The following PCDH15 variants were observed in gnomAD, a reference collection of about 807,000 sequenced individuals.
The protein encoded by PCDH15 is protocadherin-15.
A neutral mutation model predicts 178.5 loss-of-function variants in PCDH15; 129 were observed. The observed-to-expected ratio is 0.72, with a 90% CI of 0.63 to 0.84. The LOEUF (loss-of-function observed/expected upper bound fraction) is 0.84. Ranked by LOEUF, PCDH15 falls within the 40% of genes least tolerant of loss-of-function variation. The pLI is 0.00. For missense variants in PCDH15, 2,230 were observed against 2,099.9 expected, an observed-to-expected ratio of 1.06 and a Z score of -1.21; for synonymous variants, 800 against 732.0, an observed-to-expected ratio of 1.09 and a Z score of -1.50.
In PCDH15 at chr10:54,423,595, A is replaced by C. The variant is rs557908189; in HGVS notation, c.158-44653T>G. On this transcript the variant is annotated intron_variant, in intron 3 of 37. Coordinates refer to ENST00000644397, the MANE Select transcript of PCDH15 (RefSeq NM_001384140.1). ...CTTGTTGAAACCCTAATCCGAAGCC[A>C]AAAAAAGTGCTCAATAAGGTCATAC... 6.6e-5 allele frequency among the ~76,000 whole-genome samples: 10 copies of C among 151,930 alleles called. No homozygotes were observed. In the South Asian group the frequency reaches 1.9e-3, roughly 28 times the overall value.
chr10:54,264,914 C>T (rs985769387), intron 8 of PCDH15, among the ~76,000 whole-genome samples: 2 of 152,022 alleles, frequency 1.3e-5, no homozygotes, highest in African/African-American at 2.4e-5. Context: ...CAGAGAACCC[C>T]TTTTATATAC....
chr10:54,815,444 T>TATGTTCTA (rs1223871439), intron 3 of PCDH15, among the ~76,000 whole-genome samples: 1 of 152,154 alleles, frequency 6.6e-6, no homozygotes, highest in African/African-American at 2.4e-5. Context: ...TGTTCTACAG[T>TATGTTCTA]CATAATTTCA....
chr10:54,196,966 G>C (rs552735619), intron 10 of PCDH15, among the ~76,000 whole-genome samples: 2 of 152,188 alleles, frequency 1.3e-5, no homozygotes, highest in African/African-American at 4.8e-5. Context: ...TCCAGTTTAT[G>C]GTGTTTTGTT....
intron 2 of PCDH15, among the ~76,000 whole-genome samples, chr10:55,496,548 T>C (rs949251227): frequency 2.0e-5 from 3 of 151,836 alleles, no homozygotes; most frequent in African/African-American, 7.2e-5. Flanking sequence ...GAACCACGTT[T>C]TTAATGGCCA....
chr10:55,445,275 T>C (rs1452295609), intron 2 of PCDH15, among the ~76,000 whole-genome samples: 1 of 152,092 alleles, frequency 6.6e-6, no homozygotes, highest in Non-Finnish European at 1.5e-5. Context: ...TTTCCTGCTT[T>C]TTTTTTCTGC....
At chr10:54,179,335 C>T (rs11004123) in intron 13 of PCDH15, among the ~76,000 whole-genome samples, 40,190 of 148,538 alleles carry the variant, frequency 0.27, 6,149 homozygotes, top group Non-Finnish European at 0.36. Flanking sequence ...AACCAAACAC[C>T]GCATGTTCTC....
At chr10:55,437,083 G>A (rs1589026483) in intron 2 of PCDH15, among the ~76,000 whole-genome samples, 1 of 152,070 alleles carries the variant, frequency 6.6e-6, no homozygotes, top group African/African-American at 2.4e-5. Flanking sequence ...ATATAAAAGC[G>A]ATGACTATAA....
At chr10:55,615,889 C>T (rs1843463389) in intron 2 of PCDH15, among the ~76,000 whole-genome samples, 1 of 152,090 alleles carries the variant, frequency 6.6e-6, no homozygotes, top group South Asian at 2.1e-4. Context: ...GAGCAAGACC[C>T]TGTCACATAC....
At chr10:55,170,621 C>T (rs1240037882) in intron 1 of PCDH15, among the ~76,000 whole-genome samples, 4 of 152,172 alleles carry the variant, frequency 2.6e-5, no homozygotes, top group African/African-American at 4.8e-5. Flanking sequence ...CAGTGGCTTA[C>T]ACCTGTAATT....
intron 2 of PCDH15, among the ~76,000 whole-genome samples, chr10:54,585,750 C>T (rs1469934090): frequency 1.3e-5 from 2 of 152,216 alleles, no homozygotes; most frequent in African/African-American, 4.8e-5. Flanking sequence ...TCAACTTCAG[C>T]AGGTTCCCAG....
chr10:54,556,771 T>C (rs1370564993), intron 2 of PCDH15, among the ~76,000 whole-genome samples: 1 of 151,882 alleles, frequency 6.6e-6, no homozygotes, highest in African/African-American at 2.4e-5. Flanking sequence ...ATTACTGAAA[T>C]TACTGTACCT....
intron 3 of PCDH15, among the ~76,000 whole-genome samples, chr10:54,877,155 G>A (rs972810349): frequency 1.3e-5 from 2 of 151,908 alleles, no homozygotes; most frequent in Non-Finnish European, 2.9e-5. Flanking sequence ...TTAACTATAA[G>A]GTATTTTCTA....
chr10:54,067,590 A>C (rs2094160977), intron 17 of PCDH15, among the ~76,000 whole-genome samples: 1 of 152,158 alleles, frequency 6.6e-6, no homozygotes, highest in Admixed American at 6.5e-5. Flanking sequence ...AAGTGATTCA[A>C]GCTGGAAACT....
chr10:55,015,788 C>T (rs760722242), intron 2 of PCDH15, among the ~76,000 whole-genome samples: 1 of 152,088 alleles, frequency 6.6e-6, no homozygotes, highest in East Asian at 1.9e-4. Context: ...TGTTTTATGT[C>T]CCCTGAACCT....
chr10:55,385,057 C>G (rs1409777016), intron 2 of PCDH15, among the ~76,000 whole-genome samples: 1 of 152,004 alleles, frequency 6.6e-6, no homozygotes, highest in African/African-American at 2.4e-5. Context: ...GTAAATATTG[C>G]CTTTAATGTA....
At chr10:55,213,966 T>C (rs530311178) in intron 1 of PCDH15, among the ~76,000 whole-genome samples, 1 of 152,072 alleles carries the variant, frequency 6.6e-6, no homozygotes, top group East Asian at 1.9e-4. Flanking sequence ...ATATGTGATG[T>C]TATTATTTCA....
At chr10:54,967,857 C>T (rs1347121587) in intron 2 of PCDH15, among the ~76,000 whole-genome samples, 2 of 152,104 alleles carry the variant, frequency 1.3e-5, no homozygotes, top group Non-Finnish European at 2.9e-5. Flanking sequence ...TATCTTTTTG[C>T]TGTGTCCTCA....
rs2891516 is a variant in PCDH15, at chr10:54,336,520, C to T, written c.595-6814G>A. Among the ~76,000 whole-genome samples, 1,208 of 152,282 alleles carry T rather than the reference C, an allele frequency of 7.9e-3. 13 individuals are homozygous for T. Among genetic ancestry groups the T allele is most frequent in the African/African-American group, 0.026 (1,060 of 41,558 alleles). ...CAGCCATGGCTATAAGGAGTGAAGA[C>T]ATAGCTCAGGCTGCGGCTTCAGAAG... is the stretch of plus-strand genomic sequence containing the variant. On this transcript the variant is annotated intron_variant, in intron 6 of 37. Transcript: ENST00000644397.
intron 2 of PCDH15, among the ~76,000 whole-genome samples, chr10:55,116,229 GTTTGA>G (rs1564810764): frequency 6.6e-6 from 1 of 152,048 alleles, no homozygotes; most frequent in African/African-American, 2.4e-5. Flanking sequence ...ATATATTACT[GTTTGA>G]TTTAACAAAA....
Sources: gnomAD v4.1 joint callset for allele counts (sites outside exome capture counted in the v4.1 genomes callset) on GRCh38, gnomAD v4.1.1 for gene constraint, MANE v1.5 for transcripts, NCBI Gene and HGNC (gene_info 2026-07-23, HGNC 2026-07-21) for gene names.